Variants in LRRC37A2 observed in about 807,000 individuals in gnomAD.
The protein encoded by LRRC37A2 is leucine-rich repeat-containing protein 37A2.
A neutral mutation model predicts 68.8 loss-of-function variants in LRRC37A2; 9 were observed. That is an observed-to-expected ratio of 0.13 (90% confidence interval 0.08 to 0.23). The LOEUF (loss-of-function observed/expected upper bound fraction) is 0.23, where lower values mean the gene tolerates loss of function less well. Ranked by LOEUF, LRRC37A2 falls within the 10% of genes least tolerant of loss-of-function variation. The pLI is 1.00. For missense variants in LRRC37A2, 168 were observed against 950.4 expected, an observed-to-expected ratio of 0.18 and a Z score of 10.82; for synonymous variants, 63 against 367.6, an observed-to-expected ratio of 0.17 and a Z score of 9.48.
the LRRC37A2 span, among the ~76,000 whole-genome samples, chr17:46,992,846 TC>T: frequency 2.8e-5 from 2 of 70,856 alleles, no homozygotes; most frequent in East Asian, 8.7e-4. Context: ...AGAGTGAAAC[TC>T]CATCTCAAAA....
the LRRC37A2 span, among the ~76,000 whole-genome samples, chr17:46,461,179 A>C: frequency 1.4e-5 from 1 of 71,550 alleles, no homozygotes; most frequent in Non-Finnish European, 3.1e-5. Context: ...AAAGAAAATA[A>C]CTGTCAACTT....
At chr17:46,732,313 G>A in the LRRC37A2 span, among the ~76,000 whole-genome samples, 1 of 152,096 alleles carries the variant, frequency 6.6e-6, no homozygotes, top group Non-Finnish European at 1.5e-5. Flanking sequence ...GCACTATGTT[G>A]TTATGTATCC....
the LRRC37A2 span, among the ~76,000 whole-genome samples, chr17:46,681,485 G>A: frequency 0.033 from 4,841 of 144,600 alleles, 95 homozygotes; most frequent in Middle Eastern, 0.11. Flanking sequence ...ATGAGACCCT[G>A]TCTCAAAAAA....
At chr17:46,894,506 G>A in the LRRC37A2 span, among the ~76,000 whole-genome samples, 12 of 152,340 alleles carry the variant, frequency 7.9e-5, no homozygotes, top group African/African-American at 2.4e-4. Flanking sequence ...GGCTTGCCCC[G>A]ACCCTACAGC....
At chr17:46,767,773 G>GT in the LRRC37A2 span, among the ~76,000 whole-genome samples, 236 of 150,614 alleles carry the variant, frequency 1.6e-3, 1 homozygote, top group East Asian at 0.014. Context: ...ACTGAATTTT[G>GT]TTTTTTTTTG....
chr17:46,796,937 G>A, the LRRC37A2 span, among the ~76,000 whole-genome samples: 3 of 152,168 alleles, frequency 2.0e-5, no homozygotes, highest in East Asian at 1.9e-4. Context: ...CTTGGTTACC[G>A]AGGAAAATAA....
chr17:46,838,284 G>A, the LRRC37A2 span, among the ~76,000 whole-genome samples: 7 of 151,360 alleles, frequency 4.6e-5, no homozygotes, highest in Admixed American at 1.3e-4. Context: ...ACAGCCGAGT[G>A]GGTCAGTGGA....
At chr17:46,900,822 A>T in the LRRC37A2 span, among the ~76,000 whole-genome samples, 5 of 152,112 alleles carry the variant, frequency 3.3e-5, no homozygotes, top group African/African-American at 1.2e-4. Context: ...CCATTAACTT[A>T]TTCATTACTG....
the LRRC37A2 span, chr17:46,728,792 CTG>C: frequency 1.0e-6 from 1 of 961,904 alleles, no homozygotes; most frequent in Non-Finnish European, 1.5e-6. Flanking sequence ...AAAACAAAAA[CTG>C]AATGTTTGGA....
At chr17:46,933,528 C>T in the LRRC37A2 span, 1 of 152,104 alleles carries the variant, frequency 6.6e-6, no homozygotes. Context: ...ATTAAAAGAC[C>T]TGACGCCTAT....
At chr17:46,791,111 T>A in the LRRC37A2 span, among the ~76,000 whole-genome samples, 6 of 152,128 alleles carry the variant, frequency 3.9e-5, no homozygotes, top group Admixed American at 2.6e-4. Context: ...ACTCTTTGGC[T>A]TCAAGGCAGC....
chr17:46,874,528 G>T, the LRRC37A2 span, among the ~76,000 whole-genome samples: 3 of 152,202 alleles, frequency 2.0e-5, no homozygotes, highest in African/African-American at 7.2e-5. Flanking sequence ...GGGAATCTGG[G>T]AACATACTCC....
At chr17:46,496,416 C>T in the LRRC37A2 span, among the ~76,000 whole-genome samples, 4 of 147,344 alleles carry the variant, frequency 2.7e-5, no homozygotes, top group East Asian at 2.0e-4. Context: ...CCAGACTGGA[C>T]AACATGGCGA....
chr17:46,876,943 C>G, the LRRC37A2 span: 1 of 1,320,726 alleles, frequency 7.6e-7, no homozygotes, highest in Admixed American at 3.5e-5. Flanking sequence ...CCAAGCATCC[C>G]CAACCTTGTT....
chr17:46,460,731 A>C, the LRRC37A2 span, among the ~76,000 whole-genome samples: 1 of 80,294 alleles, frequency 1.2e-5, no homozygotes. Context: ...AGAGAGAATT[A>C]GTGTACTGAA....
At chr17:46,865,113 G>A in the LRRC37A2 span, among the ~76,000 whole-genome samples, 1 of 152,208 alleles carries the variant, frequency 6.6e-6, no homozygotes, top group Non-Finnish European at 1.5e-5. Flanking sequence ...AGGGACAAAG[G>A]CTTCCTCTCC....
chr17:46,429,210 G>T, the LRRC37A2 span, among the ~76,000 whole-genome samples: 1 of 151,050 alleles, frequency 6.6e-6, no homozygotes, highest in Middle Eastern at 3.4e-3. Flanking sequence ...AAGTGGGGCA[G>T]CCCTTCCTTG....
the LRRC37A2 span, among the ~76,000 whole-genome samples, chr17:46,858,108 G>A: frequency 6.6e-6 from 1 of 151,980 alleles, no homozygotes; most frequent in Admixed American, 6.6e-5. Flanking sequence ...TTTTGTATTT[G>A]TAGTAGAGAT....
At chr17:46,787,829 A>G in the LRRC37A2 span, among the ~76,000 whole-genome samples, 203 of 152,178 alleles carry the variant, frequency 1.3e-3, no homozygotes, top group African/African-American at 3.5e-3. Flanking sequence ...GGTGGTGGGC[A>G]CCTGTAATCA....
Sources: allele counts gnomAD v4.1 joint callset (sites outside exome capture counted in the v4.1 genomes callset), GRCh38; gene constraint gnomAD v4.1.1; transcripts MANE v1.5; gene names NCBI Gene and HGNC (gene_info 2026-07-23, HGNC 2026-07-21).